Variants in USP42 observed in about 807,000 individuals in gnomAD.
USP42 encodes the protein ubiquitin carboxyl-terminal hydrolase 42.
A neutral mutation model predicts 113.0 loss-of-function variants in USP42; 23 were observed. The observed-to-expected ratio is 0.20, with a 90% CI of 0.15 to 0.29. The LOEUF is 0.29. USP42 is among the 10% of genes least tolerant of loss of function. The probability of loss-of-function intolerance (pLI) is 1.00; values close to 1 mark genes in which losing one functional copy is unlikely to be tolerated. For missense variants in USP42, 2,174 were observed against 1,779.8 expected (o/e 1.22, Z -3.99); for synonymous variants, 933 against 699.0 (o/e 1.33, Z -5.28).
At chr7:6,128,778 G>GT (rs1418432002) in intron 3 of USP42, among the ~76,000 whole-genome samples, 1 of 152,046 alleles carries the variant, frequency 6.6e-6, no homozygotes, top group African/African-American at 2.4e-5. Flanking sequence ...ACTTGAAAGT[G>GT]TTTTTCAAAA....
chr7:6,096,749 G>C, the USP42 span, among the ~76,000 whole-genome samples: 16 of 151,006 alleles, frequency 1.1e-4, 2 homozygotes, highest in African/African-American at 4.0e-4. Flanking sequence ...TGCTTTTGTT[G>C]ACAGCCTGTC....
intron 3 of USP42, among the ~76,000 whole-genome samples, chr7:6,122,972 C>T (rs1269284210): frequency 6.6e-6 from 1 of 151,610 alleles, no homozygotes; most frequent in African/African-American, 2.4e-5. Context: ...TACAGGCATG[C>T]GCCACCACAC....
chr7:6,159,617 A>G lies in USP42; in HGVS notation c.*36+124A>G, dbSNP rs949812441. On this transcript the variant is annotated intron_variant, in intron 17 of 17. Transcript: ENST00000306177. This position sits in a 1 kb window ranked among gnomAD's most constrained non-coding sequence, Gnocchi z 4.1. The stretch of plus-strand genomic sequence containing the variant: ...CTCATAGGAGTTGGCAGAGCCATGG[A>G]GAGGCCCCGGCAGGTTCCCAGCCAG... 7 of 1,009,310 alleles carry G rather than the reference A, an allele frequency of 6.9e-6. No homozygotes were observed. In the East Asian group the frequency reaches 1.8e-4, roughly 25 times the overall value. 62.5% of individuals were successfully genotyped at this position (1,009,310 alleles called of 1,614,324 possible). A position where few individuals can be genotyped will look rare whatever the true frequency, so the allele number is the denominator to read the frequency against.
chr7:6,133,877 C>G (rs943139723), intron 3 of USP42, among the ~76,000 whole-genome samples: 1 of 149,086 alleles, frequency 6.7e-6, no homozygotes, highest in African/African-American at 2.5e-5. Context: ...GCATCTATTT[C>G]CATGTTTCTT....
chr7:6,090,009 T>C, the USP42 span, among the ~76,000 whole-genome samples: 1 of 144,410 alleles, frequency 6.9e-6, no homozygotes, highest in South Asian at 2.2e-4. Flanking sequence ...TCAAAAGATA[T>C]ATATATAGGG....
At chr7:6,147,708 T>A in intron 11 of USP42, 31 bp from the exon 12 acceptor site, 1 of 1,545,792 alleles carries the variant, frequency 6.5e-7, no homozygotes, top group Non-Finnish European at 8.8e-7. Context: ...GTGTCCTGTG[T>A]CACCCTAAGT....
chr7:6,082,603 GTTTTTTTTTT>G, the USP42 span, among the ~76,000 whole-genome samples: 29 of 90,196 alleles, frequency 3.2e-4, no homozygotes, highest in East Asian at 1.9e-3. Context: ...CTTTCTTTCT[GTTTTTTTTTT>G]TTTTTTTTTT....
rs1304705715 is a variant in USP42 at position 6,153,891 on chromosome 7, C to G, written c.2337C>G (p.Arg779=). ...GCACCAAGAAGGCTCCGCCGCCCCG[C>G]GATCCCGGCACCCCCGCTACCAAAG... The part of the protein sequence containing the change: ...LSSTKKAPPP[R]DPGTPATKEG... Residue 779 remains arginine (R), a synonymous_variant, in exon 15 of 18, where the codon CGC becomes CGG. Transcript: ENST00000306177. 1 of 1,581,186 alleles carries G rather than the reference C, an allele frequency of 6.3e-7. No homozygotes were observed. Among genetic ancestry groups the G allele is most frequent in the Non-Finnish European group, 8.6e-7 (1 of 1,165,806 alleles).
At position 6,147,751 on chromosome 7, in the gene USP42, G is replaced by A; in HGVS notation, c.1245G>A (p.Val415=). The A allele has an allele frequency of 1.3e-6, 2 of 1,582,488 alleles. No homozygotes were observed. The highest frequency in any genetic ancestry group is 1.7e-6 in the Non-Finnish European group (2 of 1,157,668). ...YVLFYIRSHD[V]KNGGELTHPT... ...TCCTTGTTTCCAGGTCCCATGATGTGAAAAATGGAGGTGAACTTACTCATC... is the reference window on the plus strand; with the variant it reads ...TCCTTGTTTCCAGGTCCCATGATGTAAAAAATGGAGGTGAACTTACTCATC... Residue 415 remains valine, a synonymous_variant, in exon 12 of 18, where the codon GTG becomes GTA. Coordinates refer to ENST00000306177, the MANE Select transcript of USP42 (RefSeq NM_032172.3).
chr7:6,155,612 G>A (rs1423678885), intron 15 of USP42, among the ~76,000 whole-genome samples: 1 of 152,122 alleles, frequency 6.6e-6, no homozygotes, highest in Non-Finnish European at 1.5e-5. Context: ...GAAATTCAGT[G>A]GCTGTGAGGG....
chr7:6,131,031 A>T (rs1215949663), intron 3 of USP42, among the ~76,000 whole-genome samples: 1 of 152,086 alleles, frequency 6.6e-6, no homozygotes. Context: ...AGGGCAGAGG[A>T]GTTTTGCCTC....
At chr7:6,089,013 T>A in the USP42 span, 1 of 145,972 alleles carries the variant, frequency 6.9e-6, no homozygotes, top group South Asian at 2.2e-4. Context: ...TGCACTGGGG[T>A]TTCTTTTCTA....
At chr7:6,142,775 T>C (rs1406916423) in intron 7 of USP42, among the ~76,000 whole-genome samples, 157 bp from the exon 8 acceptor site, 2 of 152,060 alleles carry the variant, frequency 1.3e-5, no homozygotes, top group Non-Finnish European at 2.9e-5. Flanking sequence ...GTTTAGCTGC[T>C]CGGGAGGCTG....
intron 2 of USP42, among the ~76,000 whole-genome samples, chr7:6,113,935 T>A (rs1405678060): frequency 6.6e-6 from 1 of 152,238 alleles, no homozygotes; most frequent in Non-Finnish European, 1.5e-5. Flanking sequence ...CTCAGCCTTC[T>A]GTTAGAGCAC....
chr7:6,139,941 A>G lies in USP42; in HGVS notation c.657-187A>G. ...CTCTGCGTCTCCTCCCGCCACTCCC[A>G]GACCTCCCTGTGTTCTGGCCAGGAA... On this transcript the variant is annotated intron_variant, in intron 5 of 17. Transcript: ENST00000306177. The surrounding 1 kb of genome is among the most constrained non-coding windows in gnomAD (Gnocchi z 4.5). 1.6e-6 allele frequency: 1 copy of G among 629,552 alleles called. No individual in the cohort carries two copies. Among genetic ancestry groups the G allele is most frequent in the African/African-American group, 1.8e-5 (1 of 54,636 alleles). The allele number at this position is 629,552 out of a possible 1,614,324, so 39.0% of individuals were successfully genotyped here.
intron 8 of USP42, 65 bp downstream of exon 8, chr7:6,143,079 G>C: frequency 6.5e-7 from 1 of 1,535,030 alleles, no homozygotes; most frequent in Non-Finnish European, 9.0e-7. Flanking sequence ...GGCAGGCTTG[G>C]TTTGAGAGAG....
In USP42 at chr7:6,157,421, G is replaced by A; in HGVS notation, c.3943+366G>A. The A allele has an allele frequency of 1.0e-6, 1 of 970,924 alleles. No homozygotes were observed. The highest frequency in any genetic ancestry group is 1.2e-6 in the Non-Finnish European group (1 of 816,668). The allele number at this position is 970,924 out of a possible 1,614,324, so 60.1% of individuals were successfully genotyped here. ...TTTATTTATTTTATTTTTTGAGACGGAGTCTTGCTCTATTGCCCAGGCTGG... is the reference window on the plus strand; with the variant it reads ...TTTATTTATTTTATTTTTTGAGACGAAGTCTTGCTCTATTGCCCAGGCTGG... On this transcript the variant is annotated intron_variant, in intron 16 of 17. Transcript: ENST00000306177. This position sits in a 1 kb window ranked among gnomAD's most constrained non-coding sequence, Gnocchi z 4.1.
intron 1 of USP42, among the ~76,000 whole-genome samples, chr7:6,110,621 A>G (rs118150287): frequency 6.6e-6 from 1 of 152,298 alleles, no homozygotes; most frequent in East Asian, 1.9e-4. Flanking sequence ...AATATAATGT[A>G]TTTCACTTGG....
intron 7 of USP42, among the ~76,000 whole-genome samples, 164 bp from the exon 8 acceptor site, chr7:6,142,768 T>A (rs1014081710): frequency 7.2e-5 from 11 of 152,106 alleles, no homozygotes; most frequent in Non-Finnish European, 1.5e-4. Context: ...GCCTGTGGTT[T>A]AGCTGCTCGG....
Sources: allele counts gnomAD v4.1 joint callset (sites outside exome capture counted in the v4.1 genomes callset), GRCh38; gene constraint gnomAD v4.1.1; non-coding constraint Gnocchi (gnomAD v3.1); transcripts MANE v1.5; gene names NCBI Gene and HGNC (gene_info 2026-07-23, HGNC 2026-07-21).